Variants in MON2 observed in about 807,000 individuals in gnomAD.
MON2 encodes the protein MON2 regulator of endosome-to-Golgi trafficking.
Under a neutral mutation model 208.6 loss-of-function variants are expected in MON2, and 84 were observed. The ratio of observed to expected loss-of-function variants is 0.40; its 90% CI spans 0.34 to 0.48. The LOEUF (loss-of-function observed/expected upper bound fraction) is 0.48. Among genes scored for constraint, MON2 ranks in the 20% least tolerant of loss-of-function variants. MON2 has a pLI of 0.59. For synonymous variants in MON2, 660 were observed against 694.0 expected (o/e 0.95, Z 0.77); for missense variants, 1,611 against 2,015.4 (o/e 0.80, Z 3.84).
At chr12:62,485,755 G>A (rs2069737812) in intron 2 of MON2, among the ~76,000 whole-genome samples, 1 of 152,156 alleles carries the variant, frequency 6.6e-6, no homozygotes. Flanking sequence ...CCCAGCTGGA[G>A]TGCAATGGTG....
At chr12:62,582,304 G>T (rs2075032712) in intron 32 of MON2, among the ~76,000 whole-genome samples, 1 of 152,160 alleles carries the variant, frequency 6.6e-6, no homozygotes, top group Non-Finnish European at 1.5e-5. Context: ...CAAGAAAGGT[G>T]CATGGACATT....
At chr12:62,554,605 C>T (rs1482250786) in intron 24 of MON2, among the ~76,000 whole-genome samples, 1 of 152,124 alleles carries the variant, frequency 6.6e-6, no homozygotes, top group East Asian at 1.9e-4. Flanking sequence ...AGCGATCCTC[C>T]CACCTCAGCC....
intron 8 of MON2, among the ~76,000 whole-genome samples, chr12:62,512,274 T>C (rs1239718014): frequency 6.6e-6 from 1 of 152,094 alleles, no homozygotes; most frequent in Non-Finnish European, 1.5e-5. Context: ...GTCCAAAGGC[T>C]CAACTGAGAC....
At chr12:62,556,524 C>T (rs569625998) in intron 25 of MON2, among the ~76,000 whole-genome samples, 1 of 152,138 alleles carries the variant, frequency 6.6e-6, no homozygotes, top group African/African-American at 2.4e-5. Flanking sequence ...TCCAGATGGA[C>T]TTTCCTGAGA....
chr12:62,543,637 T>C (rs1303303284), intron 20 of MON2, among the ~76,000 whole-genome samples: 1 of 152,040 alleles, frequency 6.6e-6, no homozygotes. Context: ...AGACGGAATC[T>C]AACTCCGTCA....
In MON2 at chr12:62,598,438, A is replaced by G. The variant is rs933531405; in HGVS notation, c.*5689A>G. ...CTATGATGTTTACTAGATGGAGAAAAATACTCCATACCTATATTGCAATTT... is the reference window on the plus strand; with the variant it reads ...CTATGATGTTTACTAGATGGAGAAAGATACTCCATACCTATATTGCAATTT... On this transcript the variant is annotated 3_prime_UTR_variant, in exon 35 of 35. Transcript: ENST00000393630. 2.0e-5 allele frequency: 3 copies of G among 152,144 alleles called. No homozygotes were observed. Among genetic ancestry groups the G allele is most frequent in the Admixed American group, 6.5e-5 (1 of 15,274 alleles). The allele number at this position is 152,144 out of a possible 1,614,324, so 9.4% of individuals were successfully genotyped here.
At chr12:62,533,821 C>T (rs2072775698) in intron 12 of MON2, among the ~76,000 whole-genome samples, 2 of 152,166 alleles carry the variant, frequency 1.3e-5, no homozygotes, top group African/African-American at 2.4e-5. Flanking sequence ...TCTAAAATGT[C>T]TGTTTCTCTA....
intron 6 of MON2, 82 bp from the exon 7 acceptor site, chr12:62,501,491 T>C (rs761063190): frequency 2.3e-5 from 35 of 1,510,258 alleles, no homozygotes; most frequent in Non-Finnish European, 3.1e-5. Context: ...GAAGATAGAT[T>C]TTTTTTAAAG....
chr12:62,534,944 G>A lies in MON2; in HGVS notation c.1715+18G>A, dbSNP rs2072896443. On this transcript the variant is annotated intron_variant, in intron 13 of 34. Coordinates refer to ENST00000393630, the MANE Select transcript of MON2 (RefSeq NM_015026.3). ...GATGCCAGGTATTAAGTCTTTGTAAGTTTTATATTGAACTGTGTCAGTTAA... is the reference window on the plus strand; with the variant it reads ...GATGCCAGGTATTAAGTCTTTGTAAATTTTATATTGAACTGTGTCAGTTAA... The A allele has an allele frequency of 6.5e-7, 1 of 1,540,478 alleles. No individual in the cohort carries two copies. Among genetic ancestry groups the A allele is most frequent in the Non-Finnish European group, 8.9e-7 (1 of 1,127,510 alleles).
intron 21 of MON2, among the ~76,000 whole-genome samples, chr12:62,546,349 C>T (rs886836954): frequency 3.3e-5 from 5 of 151,728 alleles, no homozygotes; most frequent in African/African-American, 1.2e-4. Flanking sequence ...AGATAACTAC[C>T]CATTTATCTA....
intron 2 of MON2, among the ~76,000 whole-genome samples, chr12:62,490,934 ATTT>A (rs34591945): frequency 0.38 from 57,055 of 151,724 alleles, 10,949 homozygotes; most frequent in African/African-American, 0.43. Flanking sequence ...TATTTTGTTG[ATTT>A]TAATATGCAC....
At chr12:62,569,559 T>A (rs1011446011) in intron 29 of MON2, among the ~76,000 whole-genome samples, 3 of 151,876 alleles carry the variant, frequency 2.0e-5, no homozygotes, top group African/African-American at 4.8e-5. Context: ...AGAGAGAGAG[T>A]GTGTATGTTC....
rs757641905 is a variant in MON2, at chr12:62,566,455, CT to C, written c.4323+12del. On this transcript the variant is annotated splice_donor_region_variant and intron_variant, in intron 29 of 34. Coordinates refer to ENST00000393630, the MANE Select transcript of MON2 (RefSeq NM_015026.3). ...GTGCTCCAGAATATTATTAAGGTAT[CT>C]TTTTTTCATTTCTACACTTTCATTA... is the stretch of plus-strand genomic sequence containing the variant. 2.5e-6 allele frequency: 4 copies of C among 1,608,436 alleles called. No individual in the cohort carries two copies. The highest frequency in any genetic ancestry group is 1.3e-5 in the African/African-American group (1 of 74,572).
rs1018570329 is a variant in MON2 at position 62,555,354 on chromosome 12, T to G, written c.3211-640T>G. ...AACACCACATTTAGCTAATTTTGGG[T>G]TTTTTTTTTGGTAGGGACTGGGTTT... On this transcript the variant is annotated intron_variant, in intron 24 of 34. Transcript: ENST00000393630. Among the ~76,000 whole-genome samples, 42 of 133,914 alleles carry G rather than the reference T, an allele frequency of 3.1e-4. 1 individual carries two copies. In the Middle Eastern group the frequency reaches 0.013, roughly 40 times the overall value. The allele number at this position is 133,914 out of a possible 152,430, so 87.9% of individuals were successfully genotyped here. A position where few individuals can be genotyped will look rare whatever the true frequency, so the allele number is the denominator to read the frequency against.
intron 7 of MON2, among the ~76,000 whole-genome samples, chr12:62,505,394 A>G (rs1170695573): frequency 6.6e-6 from 1 of 152,200 alleles, no homozygotes; most frequent in African/African-American, 2.4e-5. Context: ...GTAAGAACCT[A>G]GAGTACAAAG....
At chr12:62,487,705 A>G (rs1260923793) in intron 2 of MON2, among the ~76,000 whole-genome samples, 3 of 151,910 alleles carry the variant, frequency 2.0e-5, no homozygotes, top group African/African-American at 7.2e-5. Context: ...TTTCTTATCA[A>G]TAAATGTGCT....
At chr12:62,503,124 G>A (rs1272879674) in intron 7 of MON2, among the ~76,000 whole-genome samples, 4 of 152,264 alleles carry the variant, frequency 2.6e-5, no homozygotes, top group African/African-American at 9.6e-5. Flanking sequence ...CTATGTGCCA[G>A]ATTCCTTACA....
chr12:62,509,084 T>C (rs915424670), intron 8 of MON2: 2 of 152,074 alleles, frequency 1.3e-5, no homozygotes, highest in Non-Finnish European at 2.9e-5. Flanking sequence ...TTCAGCATTC[T>C]GTAATTTTTT....
At chr12:62,565,911 C>T (rs1445352400) in intron 27 of MON2, 103 bp from the exon 28 acceptor site, 40 of 1,075,568 alleles carry the variant, frequency 3.7e-5, no homozygotes, top group Non-Finnish European at 1.3e-6. Flanking sequence ...TGATTTTGTT[C>T]ACTCAACATA....
Sources: allele counts gnomAD v4.1 joint callset (sites outside exome capture counted in the v4.1 genomes callset), GRCh38; gene constraint gnomAD v4.1.1; transcripts MANE v1.5; gene names NCBI Gene and HGNC (gene_info 2026-07-23, HGNC 2026-07-21).